CBL: variants seen among roughly 807,000 people sequenced by gnomAD.
The protein encoded by CBL is E3 ubiquitin-protein ligase CBL.
In CBL, 45 loss-of-function variants were observed where a neutral mutation model predicts 96.9. The ratio of observed to expected loss-of-function variants is 0.46; its 90% confidence interval spans 0.37 to 0.60. CBL has a LOEUF of 0.60. Ranked by LOEUF, CBL falls within the 20% of genes least tolerant of loss-of-function variation. The pLI is 0.00. For missense variants in CBL, 1,024 were observed against 1,143.5 expected (o/e 0.90, Z 1.51); for synonymous variants, 420 against 426.8 (o/e 0.98, Z 0.20).
intron 1 of CBL, among the ~76,000 whole-genome samples, chr11:119,216,697 A>G (rs563957197): frequency 6.6e-6 from 1 of 152,302 alleles, no homozygotes; most frequent in Admixed American, 6.5e-5. Context: ...ACAGCAGCAC[A>G]TAACTGTAGC....
intron 1 of CBL, among the ~76,000 whole-genome samples, chr11:119,228,384 T>C (rs1592375574): frequency 6.6e-6 from 1 of 152,084 alleles, no homozygotes; most frequent in East Asian, 1.9e-4. Context: ...GGTGGGCGGA[T>C]CACCAGAGTT....
intron 12 of CBL, chr11:119,289,718 A>C (rs1419195726): frequency 6.6e-6 from 1 of 152,140 alleles, no homozygotes; most frequent in Non-Finnish European, 1.5e-5. Flanking sequence ...AGATTCCATC[A>C]TGCACTCTTG....
At chr11:119,291,367 A>G (rs1950025873) in intron 12 of CBL, among the ~76,000 whole-genome samples, 2 of 152,248 alleles carry the variant, frequency 1.3e-5, no homozygotes, top group South Asian at 2.1e-4. Context: ...CTTGGGTTAC[A>G]GAGCACGACC....
intron 2 of CBL, among the ~76,000 whole-genome samples, chr11:119,239,727 T>C (rs766032956): frequency 6.6e-6 from 1 of 152,172 alleles, no homozygotes; most frequent in Non-Finnish European, 1.5e-5. Context: ...TGTAAAGGCT[T>C]TTCATCAGGT....
chr11:119,290,971 G>T (rs923813600), intron 12 of CBL, among the ~76,000 whole-genome samples: 2 of 152,062 alleles, frequency 1.3e-5, no homozygotes, highest in Non-Finnish European at 2.9e-5. Context: ...GAGCCACTGC[G>T]CCTGGCCCAG....
intron 1 of CBL, among the ~76,000 whole-genome samples, chr11:119,229,755 A>G (rs535144839): frequency 6.6e-6 from 1 of 151,746 alleles, no homozygotes; most frequent in Non-Finnish European, 1.5e-5. Flanking sequence ...TTGAGACCAG[A>G]ATCTTGCTGT....
chr11:119,269,020 G>A (rs1949823802), intron 2 of CBL, among the ~76,000 whole-genome samples: 1 of 152,200 alleles, frequency 6.6e-6, no homozygotes, highest in African/African-American at 2.4e-5. Flanking sequence ...GCTGCTGATT[G>A]TGCAGTCTAG....
intron 6 of CBL, among the ~76,000 whole-genome samples, chr11:119,276,447 C>A (rs1388120249): frequency 1.3e-5 from 2 of 152,174 alleles, no homozygotes; most frequent in African/African-American, 2.4e-5. Flanking sequence ...GGAAATTTGA[C>A]CAGTTATTTA....
chr11:119,220,817 G>A (rs1377685332), intron 1 of CBL, among the ~76,000 whole-genome samples: 1 of 152,018 alleles, frequency 6.6e-6, no homozygotes, highest in African/African-American at 2.4e-5. Flanking sequence ...ATGGAGTTTT[G>A]AGAAATCAAA....
intron 9 of CBL, among the ~76,000 whole-genome samples, chr11:119,279,482 T>C (rs147416664): frequency 1.3e-3 from 166 of 127,800 alleles, no homozygotes; most frequent in African/African-American, 5.4e-3. Context: ...ACTGCCCCCA[T>C]GCCCCCCCCT....
At chr11:119,239,755 A>G (rs1055470926) in intron 2 of CBL, among the ~76,000 whole-genome samples, 2 of 149,550 alleles carry the variant, frequency 1.3e-5, no homozygotes, top group Non-Finnish European at 3.0e-5. Flanking sequence ...GTTTCCTTAC[A>G]TGTCTTGTTT....
At chr11:119,283,715 G>A (rs1949957607) in intron 9 of CBL, among the ~76,000 whole-genome samples, 1 of 125,078 alleles carries the variant, frequency 8.0e-6, no homozygotes, top group Non-Finnish European at 1.6e-5. Flanking sequence ...TCGGCTCACT[G>A]CAAGCTCCGC....
At chr11:119,255,555 T>A (rs572764854) in intron 2 of CBL, among the ~76,000 whole-genome samples, 1 of 152,168 alleles carries the variant, frequency 6.6e-6, no homozygotes, top group East Asian at 1.9e-4. Flanking sequence ...AAATACATAT[T>A]TTACTATTTC....
chr11:119,221,709 A>G (rs1949412745), intron 1 of CBL, among the ~76,000 whole-genome samples: 2 of 150,242 alleles, frequency 1.3e-5, no homozygotes, highest in Non-Finnish European at 3.0e-5. Context: ...CGGAGGTTGC[A>G]GTGAGCCAAG....
At chr11:119,229,992 A>G (rs1949488893) in intron 1 of CBL, among the ~76,000 whole-genome samples, 1 of 152,124 alleles carries the variant, frequency 6.6e-6, no homozygotes. Context: ...CACGTTCATC[A>G]CTGTGATGTT....
At chr11:119,231,797 G>A (rs1949503656) in intron 1 of CBL, among the ~76,000 whole-genome samples, 2 of 151,688 alleles carry the variant, frequency 1.3e-5, no homozygotes, top group African/African-American at 2.4e-5. Flanking sequence ...CTGTCCCTGG[G>A]AATTTTCTTT....
intron 2 of CBL, among the ~76,000 whole-genome samples, chr11:119,235,655 G>A (rs73566744): frequency 0.016 from 2,413 of 152,140 alleles, 59 homozygotes; most frequent in African/African-American, 0.055. Flanking sequence ...CACACTTGGT[G>A]TGACTTATAA....
intron 12 of CBL, among the ~76,000 whole-genome samples, chr11:119,292,496 C>T (rs532472554): frequency 4.5e-4 from 69 of 152,116 alleles, no homozygotes; most frequent in Middle Eastern, 3.4e-3. Flanking sequence ...TCTTGGCTCA[C>T]TGCAAGCTCC....
At chr11:119,208,541 C>A (rs1218376251) in intron 1 of CBL, among the ~76,000 whole-genome samples, 1 of 151,998 alleles carries the variant, frequency 6.6e-6, no homozygotes, top group Non-Finnish European at 1.5e-5. Context: ...AGGTGCGCGC[C>A]ACCACGCCCA....
Sources: gnomAD v4.1 joint callset for allele counts (sites outside exome capture counted in the v4.1 genomes callset) on GRCh38, gnomAD v4.1.1 for gene constraint, MANE v1.5 for transcripts, NCBI Gene and HGNC (gene_info 2026-07-23, HGNC 2026-07-21) for gene names.